NAALADL2: variants seen among roughly 807,000 people sequenced by gnomAD.
NAALADL2 encodes inactive N-acetylated-alpha-linked acidic dipeptidase-like protein 2.
In NAALADL2, 76 loss-of-function variants were observed where a neutral mutation model predicts 87.2. The ratio of observed to expected loss-of-function variants is 0.87; its 90% CI spans 0.72 to 1.05. The LOEUF is 1.05. Among genes scored for constraint, NAALADL2 ranks in the 50% least tolerant of loss-of-function variants. NAALADL2 has a pLI of 0.00. For synonymous variants in NAALADL2, 354 were observed against 331.0 expected, an observed-to-expected ratio of 1.07 and a Z score of -0.75; for missense variants, 1,089 against 945.8, an observed-to-expected ratio of 1.15 and a Z score of -1.99.
intron 2 of NAALADL2, among the ~76,000 whole-genome samples, chr3:174,684,628 T>C (rs1029633464): frequency 6.6e-6 from 1 of 152,176 alleles, no homozygotes; most frequent in Non-Finnish European, 1.5e-5. Flanking sequence ...TGTTTTCTAA[T>C]ACTTTTTCTA....
chr3:174,963,761 T>C (rs986075507), intron 1 of NAALADL2, among the ~76,000 whole-genome samples: 1 of 152,168 alleles, frequency 6.6e-6, no homozygotes, highest in Non-Finnish European at 1.5e-5. Flanking sequence ...CTTAAAATCA[T>C]GTTTAGAAAA....
chr3:175,420,700 C>T (rs1715548615), intron 5 of NAALADL2, among the ~76,000 whole-genome samples: 1 of 151,990 alleles, frequency 6.6e-6, no homozygotes, highest in Non-Finnish European at 1.5e-5. Context: ...TTGAACATCT[C>T]CTGTTTCTCA....
At chr3:175,411,208 G>A (rs745756042) in intron 5 of NAALADL2, among the ~76,000 whole-genome samples, 4 of 152,108 alleles carry the variant, frequency 2.6e-5, no homozygotes, top group Non-Finnish European at 5.9e-5. Flanking sequence ...AGAGGAGGTG[G>A]CCTATAATTT....
chr3:175,166,370 C>T (rs1250315037), intron 2 of NAALADL2, among the ~76,000 whole-genome samples: 1 of 152,050 alleles, frequency 6.6e-6, no homozygotes, highest in Non-Finnish European at 1.5e-5. Flanking sequence ...TCTTCCCATT[C>T]ATTCTTTGCT....
intron 2 of NAALADL2, among the ~76,000 whole-genome samples, chr3:174,657,010 C>CCTCT: frequency 6.7e-6 from 1 of 149,100 alleles, no homozygotes; most frequent in South Asian, 2.2e-4. Context: ...TTTTTTCCTT[C>CCTCT]CTCTCTCTCT....
intron 11 of NAALADL2, among the ~76,000 whole-genome samples, chr3:175,730,199 G>A (rs1016875907): frequency 2.0e-5 from 3 of 151,460 alleles, no homozygotes; most frequent in African/African-American, 7.3e-5. Flanking sequence ...GGGAGAAAAT[G>A]TACCCTACTC....
At chr3:174,927,162 C>T (rs185699969) in intron 1 of NAALADL2, among the ~76,000 whole-genome samples, 11 of 152,220 alleles carry the variant, frequency 7.2e-5, no homozygotes, top group East Asian at 1.9e-4. Context: ...AGCTAACTAT[C>T]GTAATTATAT....
In NAALADL2 at chr3:175,032,209, A is replaced by G. The variant is rs539797944; in HGVS notation, c.44-64581A>G. On this transcript the variant is annotated intron_variant, in intron 1 of 13. Transcript: ENST00000454872. Reference sequence around the variant, plus strand: ...TCCCAGGGCTGATGTCCAGATGGGTATTTCTAGTTTTCTTGTAGGATTTTT... The same window carrying G: ...TCCCAGGGCTGATGTCCAGATGGGTGTTTCTAGTTTTCTTGTAGGATTTTT... 2.0e-5 allele frequency among the ~76,000 whole-genome samples: 3 copies of G among 152,012 alleles called. No homozygotes were observed. The South Asian group carries it at 6.2e-4, about 32-fold the overall frequency.
chr3:175,597,419 T>A (rs900025836), intron 10 of NAALADL2, among the ~76,000 whole-genome samples: 4 of 151,988 alleles, frequency 2.6e-5, no homozygotes, highest in Non-Finnish European at 4.4e-5. Flanking sequence ...AGAAGTGTGG[T>A]TTTAGGAATC....
chr3:174,508,532 C>A (rs1297648020), intron 1 of NAALADL2, among the ~76,000 whole-genome samples: 1 of 152,074 alleles, frequency 6.6e-6, no homozygotes, highest in Non-Finnish European at 1.5e-5. Flanking sequence ...ATTTTAATTT[C>A]GATTTTGTTG....
intron 1 of NAALADL2, among the ~76,000 whole-genome samples, chr3:174,999,461 T>G: frequency 6.6e-6 from 1 of 152,184 alleles, no homozygotes. Context: ...TTAGCTTTTG[T>G]GTACTCCAAT....
At chr3:175,372,348 T>C (rs1766614683) in intron 5 of NAALADL2, among the ~76,000 whole-genome samples, 2 of 152,254 alleles carry the variant, frequency 1.3e-5, no homozygotes, top group South Asian at 4.1e-4. Flanking sequence ...TAGTATCAGT[T>C]AGAGTTTCGT....
intron 2 of NAALADL2, among the ~76,000 whole-genome samples, chr3:174,682,791 A>G (rs1237980286): frequency 6.6e-6 from 1 of 152,216 alleles, no homozygotes; most frequent in Non-Finnish European, 1.5e-5. Context: ...AAAGATGGGT[A>G]CAACCAAGTC....
chr3:175,504,589 CTCTCTCTCTCTCT>C (rs1730026049), intron 9 of NAALADL2, among the ~76,000 whole-genome samples: 1 of 132,804 alleles, frequency 7.5e-6, no homozygotes, highest in African/African-American at 3.4e-5. Context: ...CTCTCTCTCT[CTCTCTCTCTCTCT>C]CTCTCTCTCT....
chr3:174,942,093 A>G (rs1338523190), intron 1 of NAALADL2, among the ~76,000 whole-genome samples: 5 of 151,932 alleles, frequency 3.3e-5, no homozygotes, highest in Non-Finnish European at 7.4e-5. Context: ...TTATAGTGAC[A>G]ATGGTCTGTG....
In NAALADL2 at chr3:175,025,768, T is replaced by C. The variant is rs373401000; in HGVS notation, c.44-71022T>C. On this transcript the variant is annotated intron_variant, in intron 1 of 13. Coordinates refer to ENST00000454872, the MANE Select transcript of NAALADL2 (RefSeq NM_207015.3). ...ATATGTATTCACCATCCCTCCATCT[T>C]GGTTTCATCTCTGTTTAGCCATATT... is the stretch of plus-strand genomic sequence containing the variant. Among the ~76,000 whole-genome samples, 259 of 152,214 alleles carry C rather than the reference T, an allele frequency of 1.7e-3. 1 individual carries two copies. The highest frequency in any genetic ancestry group is 6.1e-3 in the African/African-American group (252 of 41,552).
At chr3:175,645,181 A>G (rs998718225) in intron 11 of NAALADL2, among the ~76,000 whole-genome samples, 2 of 151,854 alleles carry the variant, frequency 1.3e-5, no homozygotes, top group African/African-American at 4.8e-5. Context: ...GTATATGTCC[A>G]TGAATGTAAT....
chr3:174,591,323 A>G (rs1173360862), intron 2 of NAALADL2, among the ~76,000 whole-genome samples: 1 of 152,200 alleles, frequency 6.6e-6, no homozygotes, highest in Non-Finnish European at 1.5e-5. Flanking sequence ...GGACAAATAG[A>G]AAAGAACGGT....
intron 1 of NAALADL2, among the ~76,000 whole-genome samples, chr3:174,961,554 A>G (rs1249642284): frequency 3.3e-5 from 5 of 152,094 alleles, no homozygotes; most frequent in East Asian, 1.9e-4. Context: ...TATTTGAACT[A>G]GAGGAGATAG....
Sources: allele counts gnomAD v4.1 joint callset (sites outside exome capture counted in the v4.1 genomes callset), GRCh38; gene constraint gnomAD v4.1.1; transcripts MANE v1.5; gene names NCBI Gene and HGNC (gene_info 2026-07-23, HGNC 2026-07-21).